The following PCDHA5 variants were observed in gnomAD, a reference collection of about 807,000 sequenced individuals.
PCDHA5 encodes the protein protocadherin alpha 5, also known as protocadherin alpha-5.
Under a neutral mutation model 61.6 loss-of-function variants are expected in PCDHA5, and 43 were observed. The observed-to-expected ratio is 0.70, with a 90% CI of 0.55 to 0.90. PCDHA5 has a LOEUF of 0.90. PCDHA5 is among the 40% of genes least tolerant of loss of function. The pLI is 0.00. For missense variants in PCDHA5, 1,298 were observed against 1,222.7 expected (o/e 1.06, Z -0.92); for synonymous variants, 627 against 543.9 (o/e 1.15, Z -2.13).
chr5:141,010,016 CT>C lies in PCDHA5; in HGVS notation c.*84del. 1 of 1,572,200 alleles carries C rather than the reference CT, an allele frequency of 6.4e-7. No homozygotes were observed. The highest frequency in any genetic ancestry group is 8.6e-7 in the Non-Finnish European group (1 of 1,163,240). On this transcript the variant is annotated 3_prime_UTR_variant, in exon 4 of 4. Transcript: ENST00000529859. Reference sequence around the variant, plus strand: ...TCTCCCATGTAGCAATTCCCTGCTCCTTTTTCCTATCTACATGAGCCCTCTT... The same window carrying C: ...TCTCCCATGTAGCAATTCCCTGCTCCTTTTCCTATCTACATGAGCCCTCTT...
chr5:140,967,749 C>G (rs1554229896), intron 1 of PCDHA5: 1 of 1,614,172 alleles, frequency 6.2e-7, no homozygotes, highest in Non-Finnish European at 8.5e-7. Context: ...TATGAGGAAG[C>G]CTCCTCCTAC....
At chr5:140,841,648 C>T in intron 1 of PCDHA5, 1 of 1,614,112 alleles carries the variant, frequency 6.2e-7, no homozygotes, top group East Asian at 2.2e-5. Flanking sequence ...TGGAGGTGAT[C>T]GTGGACAGGC....
chr5:140,904,189 C>G (rs1436545458), intron 1 of PCDHA5, among the ~76,000 whole-genome samples: 1 of 151,968 alleles, frequency 6.6e-6, no homozygotes, highest in Non-Finnish European at 1.5e-5. Context: ...CCCCTTCCCA[C>G]CCTTTCCCCC....
At chr5:140,870,273 C>G (rs1307506968) in intron 1 of PCDHA5, 3 of 1,614,192 alleles carry the variant, frequency 1.9e-6, no homozygotes, top group South Asian at 2.2e-5. Flanking sequence ...CGCTGACGCC[C>G]CACGTTCCCT....
At chr5:140,985,670 G>A (rs1554247237) in intron 3 of PCDHA5, among the ~76,000 whole-genome samples, 1 of 152,024 alleles carries the variant, frequency 6.6e-6, no homozygotes, top group East Asian at 1.9e-4. Flanking sequence ...AAAGGAAGTG[G>A]GGCCTGCCTT....
chr5:140,824,289 CT>C, intron 1 of PCDHA5, 162 bp downstream of exon 1: 1 of 983,136 alleles, frequency 1.0e-6, no homozygotes, highest in Non-Finnish European at 1.5e-6. Flanking sequence ...TTTTATGAGG[CT>C]TTTCTGCTGG....
intron 1 of PCDHA5, among the ~76,000 whole-genome samples, chr5:140,839,496 C>G (rs1776254419): frequency 6.6e-6 from 1 of 151,958 alleles, no homozygotes; most frequent in African/African-American, 2.4e-5. Context: ...CTCAAGTGAT[C>G]TTCCTACCTC....
intron 1 of PCDHA5, chr5:140,829,178 G>C (rs2150163501): frequency 6.2e-7 from 1 of 1,614,150 alleles, no homozygotes; most frequent in South Asian, 1.1e-5. Context: ...ACGTGAAGAC[G>C]CTCAATTTGG....
chr5:140,856,315 T>A (rs782568790), intron 1 of PCDHA5: 4 of 1,598,576 alleles, frequency 2.5e-6, no homozygotes, highest in Non-Finnish European at 3.4e-6. Context: ...ATTCTCGGAT[T>A]GACCGCGAGG....
rs144119560 is a variant in PCDHA5 at position 140,883,581 on chromosome 5, C to G, written c.2352+59454C>G. ...GGGGGCTCGCCTTCGCTGTGGGCCACGGCCAGCGTGTCGGTGGGGGTGGCC... is the reference window on the plus strand; with the variant it reads ...GGGGGCTCGCCTTCGCTGTGGGCCAGGGCCAGCGTGTCGGTGGGGGTGGCC... On this transcript the variant is annotated intron_variant, in intron 1 of 3. Coordinates refer to ENST00000529859, the MANE Select transcript of PCDHA5 (RefSeq NM_018908.3). 2.6e-4 allele frequency: 420 copies of G among 1,614,018 alleles called. 1 individual carries two copies. In the African/African-American group the frequency reaches 5.3e-3, roughly 20 times the overall value.
intron 1 of PCDHA5, chr5:140,966,581 G>A: frequency 1.9e-6 from 1 of 535,414 alleles, no homozygotes; most frequent in Non-Finnish European, 3.0e-6. Flanking sequence ...AGTCAGCGAG[G>A]ACGGTGGGGC....
At position 140,823,925 on chromosome 5, in the gene PCDHA5, A is replaced by G. The variant is rs2150130360; in HGVS notation, c.2150A>G (p.Tyr717Cys). The change falls in exon 1 of 4, where the codon TAC becomes TGC. Residue 717 changes from tyrosine to cysteine, a missense_variant. Coordinates refer to ENST00000529859, the MANE Select transcript of PCDHA5 (RefSeq NM_018908.3). ...CTGCTGGTGCTCACGCTGCTGCTGT[A>G]CACCGCGCTGCGGTGCTCGGCGCAG... ...SSLLVLTLLL[Y>C]TALRCSAQPT... The G allele has an allele frequency of 1.9e-6, 3 of 1,613,820 alleles. No individual in the cohort carries two copies. The highest frequency in any genetic ancestry group is 4.5e-5 in the East Asian group (2 of 44,852).
intron 1 of PCDHA5, among the ~76,000 whole-genome samples, chr5:140,965,168 T>A (rs1484687706): frequency 6.6e-6 from 1 of 152,180 alleles, no homozygotes; most frequent in Non-Finnish European, 1.5e-5. Context: ...GACGTTTTAG[T>A]GAGTGCTTTT....
intron 1 of PCDHA5, chr5:140,830,587 T>G (rs1554132940): frequency 1.3e-6 from 1 of 755,644 alleles, no homozygotes; most frequent in East Asian, 3.3e-5. Flanking sequence ...TTTAATTAAT[T>G]TTACAAAATT....
At chr5:140,862,635 C>G in intron 1 of PCDHA5, 1 of 538,778 alleles carries the variant, frequency 1.9e-6, no homozygotes, top group Non-Finnish European at 3.8e-6. Context: ...GCTGCCACGA[C>G]TTCACAGTGT....
chr5:140,833,693 T>C (rs1463559850), intron 1 of PCDHA5, among the ~76,000 whole-genome samples: 1 of 152,176 alleles, frequency 6.6e-6, no homozygotes, highest in African/African-American at 2.4e-5. Flanking sequence ...TCTCTTATTT[T>C]GTTTTCCCAA....
At chr5:141,000,743 T>TAA (rs527867626) in intron 3 of PCDHA5, among the ~76,000 whole-genome samples, 3 of 145,408 alleles carry the variant, frequency 2.1e-5, no homozygotes, top group Admixed American at 6.9e-5. Context: ...CTCTGTATAT[T>TAA]AAAAAAAAAA....
At chr5:140,848,198 C>T (rs2150407095) in intron 1 of PCDHA5, 8 of 311,274 alleles carry the variant, frequency 2.6e-5, no homozygotes, top group African/African-American at 1.7e-4. Flanking sequence ...TCTGTTTCAA[C>T]AATCATTACT....
intron 1 of PCDHA5, among the ~76,000 whole-genome samples, chr5:140,918,552 A>G (rs1554198667): frequency 6.6e-6 from 1 of 152,206 alleles, no homozygotes; most frequent in Admixed American, 6.5e-5. Context: ...TGTGCAATTG[A>G]GAAGAATGTA....
Sources: gnomAD v4.1 joint callset for allele counts (sites outside exome capture counted in the v4.1 genomes callset) on GRCh38, gnomAD v4.1.1 for gene constraint, MANE v1.5 for transcripts, NCBI Gene and HGNC (gene_info 2026-07-23, HGNC 2026-07-21) for gene names.